DOCK8: variants seen among roughly 807,000 people sequenced by gnomAD.
The protein encoded by DOCK8 is dedicator of cytokinesis 8, also known as dedicator of cytokinesis protein 8.
Under a neutral mutation model 245.6 loss-of-function variants are expected in DOCK8, and 141 were observed. That is an observed-to-expected ratio of 0.57 (90% CI 0.50 to 0.66). The LOEUF (loss-of-function observed/expected upper bound fraction) is 0.66. Ranked by LOEUF, DOCK8 falls within the 30% of genes least tolerant of loss-of-function variation. The pLI is 0.00. For synonymous variants in DOCK8, 1,168 were observed against 970.2 expected, an observed-to-expected ratio of 1.20 and a Z score of -3.79; for missense variants, 2,965 against 2,603.4, an observed-to-expected ratio of 1.14 and a Z score of -3.02.
At chr9:429,437 T>G (rs918800379) in intron 35 of DOCK8, among the ~76,000 whole-genome samples, 1 of 152,248 alleles carries the variant, frequency 6.6e-6, no homozygotes, top group Non-Finnish European at 1.5e-5. Context: ...ATAGTTGTGA[T>G]TTCACCAGTG....
chr9:295,218 C>T (rs1406822466), intron 4 of DOCK8, among the ~76,000 whole-genome samples: 1 of 151,672 alleles, frequency 6.6e-6, no homozygotes, highest in Non-Finnish European at 1.5e-5. Flanking sequence ...TTCCATGTAT[C>T]TGACATTCTG....
chr9:326,827 C>T (rs548284348), intron 8 of DOCK8, among the ~76,000 whole-genome samples: 1 of 152,328 alleles, frequency 6.6e-6, no homozygotes, highest in South Asian at 2.1e-4. Context: ...CTTCTGCTAA[C>T]AATTCACTGG....
intron 39 of DOCK8, among the ~76,000 whole-genome samples, chr9:436,355 A>G (rs2056902414): frequency 6.6e-6 from 1 of 152,282 alleles, no homozygotes; most frequent in South Asian, 2.1e-4. Context: ...CAAGAAAGTT[A>G]TAAAAGTTAT....
intron 1 of DOCK8, chr9:215,278 G>A (rs1213786547): frequency 5.6e-6 from 9 of 1,608,218 alleles, no homozygotes; most frequent in South Asian, 1.1e-5. Flanking sequence ...CAGCCGCCGG[G>A]GATCCCTTCC....
intron 10 of DOCK8, among the ~76,000 whole-genome samples, chr9:333,956 T>C (rs1283661450): frequency 6.6e-6 from 1 of 152,222 alleles, no homozygotes; most frequent in Admixed American, 6.5e-5. Context: ...AGTCTCTTTT[T>C]GTTTTCGTTA....
chr9:433,547 T>C (rs148387997), intron 37 of DOCK8, among the ~76,000 whole-genome samples: 2 of 152,332 alleles, frequency 1.3e-5, no homozygotes, highest in East Asian at 3.9e-4. Context: ...ATCCCTGATA[T>C]TCCAGAGTAG....
intron 26 of DOCK8, among the ~76,000 whole-genome samples, chr9:404,171 A>G (rs2055308188): frequency 2.6e-5 from 4 of 151,750 alleles, no homozygotes; most frequent in Admixed American, 2.6e-4. Flanking sequence ...TTTTGCCTTT[A>G]GAGGAGCTGC....
chr9:379,031 G>C (rs1563985256), intron 20 of DOCK8, among the ~76,000 whole-genome samples: 1 of 152,160 alleles, frequency 6.6e-6, no homozygotes, highest in Non-Finnish European at 1.5e-5. Context: ...TTGTGGATGG[G>C]AGTGAGGAGG....
chr9:411,474 A>C (rs1028011446), intron 28 of DOCK8, among the ~76,000 whole-genome samples: 12 of 152,084 alleles, frequency 7.9e-5, no homozygotes, highest in Admixed American at 2.0e-4. Flanking sequence ...TAAAAGCTCA[A>C]ACCTGGGGGG....
At chr9:415,058 G>T in intron 29 of DOCK8, 107 bp downstream of exon 29, 1 of 1,492,182 alleles carries the variant, frequency 6.7e-7, no homozygotes, top group Non-Finnish European at 9.3e-7. Flanking sequence ...GTTCATATGA[G>T]CAATTCTTCA....
chr9:434,353 G>T (rs763464089), intron 38 of DOCK8, among the ~76,000 whole-genome samples: 1 of 152,074 alleles, frequency 6.6e-6, no homozygotes, highest in Non-Finnish European at 1.5e-5. Context: ...TTTTTTACGC[G>T]TAGTTTAAAA....
intron 1 of DOCK8, among the ~76,000 whole-genome samples, chr9:268,643 C>T (rs1383759330): frequency 6.6e-6 from 1 of 152,200 alleles, no homozygotes; most frequent in African/African-American, 2.4e-5. Flanking sequence ...GAAGCTAAGA[C>T]ATGTTATTTG....
At chr9:370,169 T>C in intron 15 of DOCK8, 61 bp from the exon 16 acceptor site, 8 of 1,361,836 alleles carry the variant, frequency 5.9e-6, no homozygotes, top group Non-Finnish European at 8.4e-6. Flanking sequence ...GGCCTGATGA[T>C]AGTCAATTTG....
At chr9:323,218 C>CTTTTT (rs1164158230) in intron 7 of DOCK8, among the ~76,000 whole-genome samples, 1 of 67,218 alleles carries the variant, frequency 1.5e-5, no homozygotes, top group Non-Finnish European at 2.6e-5. Flanking sequence ...AATCTACCAT[C>CTTTTT]TTTTTTTTTT....
intron 1 of DOCK8, among the ~76,000 whole-genome samples, chr9:226,209 C>T (rs1025323562): frequency 6.6e-6 from 1 of 152,050 alleles, no homozygotes; most frequent in African/African-American, 2.4e-5. Context: ...CGGCGGCAGG[C>T]AAGAGAGCGT....
intron 6 of DOCK8, 52 bp from the exon 7 acceptor site, chr9:316,991 G>C: frequency 1.4e-6 from 2 of 1,418,760 alleles, no homozygotes; most frequent in Non-Finnish European, 2.0e-6. Context: ...ACTCTAATTG[G>C]AGCTCCCCAC....
chr9:302,475 G>C (rs1395545825), intron 4 of DOCK8, among the ~76,000 whole-genome samples: 1 of 152,170 alleles, frequency 6.6e-6, no homozygotes, highest in African/African-American at 2.4e-5. Context: ...AAAAGCAATG[G>C]TAACAAAAAC....
chr9:355,396 G>C (rs1281130886), intron 14 of DOCK8, among the ~76,000 whole-genome samples: 1 of 151,900 alleles, frequency 6.6e-6, no homozygotes, highest in African/African-American at 2.4e-5. Context: ...TAGAGACTGG[G>C]TTTCACCTTG....
intron 15 of DOCK8, chr9:369,908 C>T: frequency 5.6e-6 from 2 of 356,782 alleles, no homozygotes; most frequent in Middle Eastern, 9.0e-4. Flanking sequence ...CTCAAGCGAT[C>T]CTCTTGCCTC....
Sources: gnomAD v4.1 joint callset for allele counts (sites outside exome capture counted in the v4.1 genomes callset) on GRCh38, gnomAD v4.1.1 for gene constraint, MANE v1.5 for transcripts, NCBI Gene and HGNC (gene_info 2026-07-23, HGNC 2026-07-21) for gene names.